Variants in ADAMTS19 observed in about 807,000 individuals in gnomAD.
The protein encoded by ADAMTS19 is ADAM metallopeptidase with thrombospondin type 1 motif 19.
A neutral mutation model predicts 153.3 loss-of-function variants in ADAMTS19; 93 were observed. The ratio of observed to expected loss-of-function variants is 0.61; its 90% CI spans 0.51 to 0.72. The LOEUF (loss-of-function observed/expected upper bound fraction) is 0.72, where lower values mean the gene tolerates loss of function less well. Among genes scored for constraint, ADAMTS19 ranks in the 30% least tolerant of loss-of-function variants. ADAMTS19 has a pLI of 0.00. For synonymous variants in ADAMTS19, 600 were observed against 556.6 expected (o/e 1.08, Z -1.10); for missense variants, 1,482 against 1,552.1 (o/e 0.95, Z 0.76).
chr5:129,736,494 T>G (rs1757673231), intron 22 of ADAMTS19, among the ~76,000 whole-genome samples: 1 of 152,072 alleles, frequency 6.6e-6, no homozygotes, highest in South Asian at 2.1e-4. Flanking sequence ...CAACTTCTCA[T>G]TTCAAACACT....
At chr5:129,491,368 C>T (rs915323689) in intron 2 of ADAMTS19, among the ~76,000 whole-genome samples, 3 of 152,062 alleles carry the variant, frequency 2.0e-5, no homozygotes, top group African/African-American at 7.2e-5. Context: ...TTCTAATTAC[C>T]TCTAATTAAT....
intron 3 of ADAMTS19, among the ~76,000 whole-genome samples, chr5:129,520,684 G>C (rs1020077606): frequency 2.7e-4 from 41 of 152,202 alleles, no homozygotes; most frequent in African/African-American, 9.6e-4. Flanking sequence ...GTATGTATTT[G>C]GACGAGTCAT....
intron 2 of ADAMTS19, among the ~76,000 whole-genome samples, chr5:129,493,927 A>C: frequency 6.6e-6 from 1 of 152,040 alleles, no homozygotes; most frequent in East Asian, 1.9e-4. Context: ...TGTCTATTTC[A>C]TAAGAATCAC....
intron 10 of ADAMTS19, among the ~76,000 whole-genome samples, chr5:129,638,130 A>G (rs549974405): frequency 6.8e-6 from 1 of 146,998 alleles, no homozygotes; most frequent in South Asian, 2.1e-4. Flanking sequence ...AAAGTTAAAA[A>G]GAAGAAGTGA....
chr5:129,535,993 C>T lies in ADAMTS19; in HGVS notation c.1328+7316C>T, dbSNP rs370013309. Among the ~76,000 whole-genome samples, 7 of 152,190 alleles carry T rather than the reference C, an allele frequency of 4.6e-5. No individual in the cohort carries two copies. In the South Asian group the frequency reaches 8.3e-4, roughly 18 times the overall value. ...CACCTAGGCAATACCATTCAGGACA[C>T]AGGCATGGGCAAGGACTTCATGTCT... is the stretch of plus-strand genomic sequence containing the variant. On this transcript the variant is annotated intron_variant, in intron 6 of 22. Transcript: ENST00000274487.
intron 21 of ADAMTS19, among the ~76,000 whole-genome samples, chr5:129,728,607 T>G (rs1757308589): frequency 6.6e-6 from 1 of 152,146 alleles, no homozygotes; most frequent in African/African-American, 2.4e-5. Flanking sequence ...TTTCCTTTGA[T>G]CACAAGGCAA....
At chr5:129,613,078 A>G (rs934316532) in intron 8 of ADAMTS19, among the ~76,000 whole-genome samples, 3 of 152,134 alleles carry the variant, frequency 2.0e-5, no homozygotes, top group African/African-American at 7.2e-5. Context: ...ACTCCCACAC[A>G]ATAATAATGG....
intron 3 of ADAMTS19, among the ~76,000 whole-genome samples, chr5:129,520,554 C>A (rs55633622): frequency 6.6e-6 from 1 of 151,938 alleles, no homozygotes; most frequent in African/African-American, 2.4e-5. Flanking sequence ...TTTGTAAACA[C>A]CTTGAGGAAG....
At chr5:129,582,965 G>A (rs903683832) in intron 7 of ADAMTS19, among the ~76,000 whole-genome samples, 11 of 152,066 alleles carry the variant, frequency 7.2e-5, no homozygotes, top group African/African-American at 2.4e-4. Context: ...ATGCTAGTTG[G>A]TTATTTTGCC....
At chr5:129,668,989 T>C (rs899938258) in intron 16 of ADAMTS19, among the ~76,000 whole-genome samples, 1 of 152,020 alleles carries the variant, frequency 6.6e-6, no homozygotes, top group Non-Finnish European at 1.5e-5. Flanking sequence ...TTGCAAAACT[T>C]CCTACAAAGC....
chr5:129,608,108 G>GTATATATATATA (rs1340582557), intron 8 of ADAMTS19, among the ~76,000 whole-genome samples: 1 of 40,758 alleles, frequency 2.5e-5, no homozygotes, highest in Non-Finnish European at 7.1e-5. Context: ...GTGTGTGTGT[G>GTATATATATATA]TGTGTGTGTA....
chr5:129,487,458 TATTTTTAAATTTA>T (rs1195303534), intron 2 of ADAMTS19, among the ~76,000 whole-genome samples: 1 of 152,116 alleles, frequency 6.6e-6, no homozygotes, highest in Non-Finnish European at 1.5e-5. Context: ...TTTTGAGGTC[TATTTTTAAATTTA>T]ACAAGTGTGT....
intron 16 of ADAMTS19, among the ~76,000 whole-genome samples, chr5:129,679,176 T>C (rs1192172216): frequency 6.6e-6 from 1 of 152,164 alleles, no homozygotes; most frequent in Non-Finnish European, 1.5e-5. Flanking sequence ...AGAAATAACA[T>C]TTATCTTCCA....
chr5:129,508,925 G>C, intron 2 of ADAMTS19, 152 bp from the exon 3 acceptor site: 1 of 524,480 alleles, frequency 1.9e-6, no homozygotes, highest in African/African-American at 2.0e-5. Flanking sequence ...AAAATGGGAA[G>C]ATAGTTACCT....
intron 8 of ADAMTS19, among the ~76,000 whole-genome samples, chr5:129,616,816 A>C (rs947589091): frequency 1.8e-4 from 27 of 152,102 alleles, no homozygotes; most frequent in African/African-American, 6.5e-4. Context: ...AAGGTTCTAC[A>C]TGTAGAGGTA....
intron 21 of ADAMTS19, among the ~76,000 whole-genome samples, chr5:129,716,354 A>G (rs1442679001): frequency 6.6e-6 from 1 of 151,848 alleles, no homozygotes; most frequent in East Asian, 1.9e-4. Flanking sequence ...ATGCACCACC[A>G]CACCCAGCTG....
intron 21 of ADAMTS19, among the ~76,000 whole-genome samples, chr5:129,733,309 A>T (rs1036928728): frequency 7.2e-5 from 11 of 152,232 alleles, no homozygotes; most frequent in African/African-American, 2.6e-4. Flanking sequence ...CACAAATGGG[A>T]CTTAAGTAAA....
rs1008172443 is a variant in ADAMTS19 at position 129,620,736 on chromosome 5, G to A, written c.1597G>A (p.Glu533Lys). The change falls in exon 9 of 23, where the codon GAA becomes AAA. Residue 533 changes from glutamate to lysine, a missense_variant. Glu to Lys is a moderately conservative substitution (Grantham distance 56). Transcript: ENST00000274487. The part of the protein sequence containing the change: ...GDVSWSRCSK[E>K]DLERFLRSKA... The stretch of plus-strand genomic sequence containing the variant: ...CGTTTCATGGTCTCGATGTAGCAAG[G>A]AAGATTTGGAAAGATTTCTCAGGTA... 6.2e-7 allele frequency: 1 copy of A among 1,612,498 alleles called. No homozygotes were observed. The highest frequency in any genetic ancestry group is 8.5e-7 in the Non-Finnish European group (1 of 1,179,138).
chr5:129,575,744 CATT>C (rs530075025), intron 7 of ADAMTS19, among the ~76,000 whole-genome samples: 1 of 151,952 alleles, frequency 6.6e-6, no homozygotes, highest in Non-Finnish European at 1.5e-5. Flanking sequence ...GTGTCATAAA[CATT>C]ATATTTTCCG....
Sources: gnomAD v4.1 joint callset for allele counts (sites outside exome capture counted in the v4.1 genomes callset) on GRCh38, gnomAD v4.1.1 for gene constraint, MANE v1.5 for transcripts, NCBI Gene and HGNC (gene_info 2026-07-23, HGNC 2026-07-21) for gene names.